NCKAP5: variants seen among roughly 807,000 people sequenced by gnomAD.
NCKAP5 encodes NCK associated protein 5.
A neutral mutation model predicts 167.0 loss-of-function variants in NCKAP5; 92 were observed. The ratio of observed to expected loss-of-function variants is 0.55; its 90% confidence interval spans 0.47 to 0.66. NCKAP5 has a LOEUF of 0.66. Among genes scored for constraint, NCKAP5 ranks in the 30% least tolerant of loss-of-function variants. The pLI, the probability that NCKAP5 is intolerant of heterozygous loss-of-function variation, is 0.00. For synonymous variants in NCKAP5, 891 were observed against 877.4 expected (o/e 1.02, Z -0.27); for missense variants, 2,378 against 2,315.0 (o/e 1.03, Z -0.56).
At chr2:133,481,031 T>C (rs1341674977) in intron 3 of NCKAP5, among the ~76,000 whole-genome samples, 1 of 152,246 alleles carries the variant, frequency 6.6e-6, no homozygotes, top group East Asian at 1.9e-4. Flanking sequence ...TTTATGACTC[T>C]ATTTCAAATA....
At chr2:132,963,367 G>GTCAT (rs956872187) in intron 8 of NCKAP5, among the ~76,000 whole-genome samples, 47 of 152,136 alleles carry the variant, frequency 3.1e-4, no homozygotes, top group African/African-American at 1.1e-3. Context: ...ATTTTGCTTA[G>GTCAT]TCATTCATTC....
intron 16 of NCKAP5, among the ~76,000 whole-genome samples, chr2:132,740,325 G>T (rs1033926181): frequency 2.0e-5 from 3 of 152,062 alleles, no homozygotes; most frequent in African/African-American, 7.2e-5. Context: ...CTTTGTAGAA[G>T]GTCTCTCCAG....
chr2:133,445,811 T>C (rs1195052072), intron 3 of NCKAP5, among the ~76,000 whole-genome samples: 1 of 152,032 alleles, frequency 6.6e-6, no homozygotes, highest in Non-Finnish European at 1.5e-5. Flanking sequence ...GGAATAGCAA[T>C]TGGAGCAGCT....
intron 8 of NCKAP5, among the ~76,000 whole-genome samples, chr2:132,912,878 C>G (rs1273682452): frequency 6.6e-6 from 1 of 152,166 alleles, no homozygotes; most frequent in East Asian, 1.9e-4. Context: ...CACATCCCTC[C>G]TCATCTGTGC....
chr2:133,395,371 A>G (rs185825045), intron 3 of NCKAP5, among the ~76,000 whole-genome samples: 7 of 152,318 alleles, frequency 4.6e-5, no homozygotes, highest in Admixed American at 2.0e-4. Context: ...CCTTGAAAAC[A>G]AAGTATCCAA....
At chr2:132,937,128 C>A (rs1244645911) in intron 8 of NCKAP5, among the ~76,000 whole-genome samples, 1 of 152,170 alleles carries the variant, frequency 6.6e-6, no homozygotes, top group Non-Finnish European at 1.5e-5. Flanking sequence ...TATTAGAGAG[C>A]TGCCCCCATA....
intron 8 of NCKAP5, among the ~76,000 whole-genome samples, chr2:132,890,467 A>G (rs902507931): frequency 5.9e-5 from 9 of 152,236 alleles, no homozygotes; most frequent in African/African-American, 1.9e-4. Context: ...CAGGCTTCCA[A>G]GCAAAATACA....
chr2:132,870,770 TTG>T (rs1351577712), intron 9 of NCKAP5, among the ~76,000 whole-genome samples: 1 of 45,618 alleles, frequency 2.2e-5, no homozygotes, highest in Admixed American at 2.9e-4. Flanking sequence ...TGGAGCTTAA[TTG>T]TTTTTTGACT....
chr2:132,713,834 A>G (rs539420770), intron 19 of NCKAP5, among the ~76,000 whole-genome samples: 18 of 152,316 alleles, frequency 1.2e-4, no homozygotes, highest in Non-Finnish European at 2.1e-4. Flanking sequence ...AAAGCTGGAA[A>G]CCAACCACTA....
At chr2:132,885,367 T>C (rs1245217639) in intron 8 of NCKAP5, among the ~76,000 whole-genome samples, 1 of 152,238 alleles carries the variant, frequency 6.6e-6, no homozygotes, top group Non-Finnish European at 1.5e-5. Flanking sequence ...CTTTTTCTAC[T>C]TTAAATAAGT....
chr2:132,770,611 T>C (rs1192356515), intron 16 of NCKAP5, among the ~76,000 whole-genome samples: 2 of 152,056 alleles, frequency 1.3e-5, no homozygotes, highest in Non-Finnish European at 2.9e-5. Flanking sequence ...GTCAATTATC[T>C]ATCAAAAACA....
chr2:133,235,072 C>T (rs1049736553), intron 4 of NCKAP5, among the ~76,000 whole-genome samples: 3 of 151,518 alleles, frequency 2.0e-5, no homozygotes, highest in Non-Finnish European at 4.4e-5. Flanking sequence ...AGCTACTTAA[C>T]ATCTGAGTCT....
intron 6 of NCKAP5, among the ~76,000 whole-genome samples, chr2:133,060,638 T>C (rs2079966814): frequency 6.6e-6 from 1 of 152,104 alleles, no homozygotes; most frequent in African/African-American, 2.4e-5. Flanking sequence ...AGTAGTAAAA[T>C]TGAATGGAGA....
chr2:132,960,951 G>A (rs1249059445), intron 8 of NCKAP5, among the ~76,000 whole-genome samples: 1 of 152,178 alleles, frequency 6.6e-6, no homozygotes, highest in African/African-American at 2.4e-5. Context: ...CTGATGGGGT[G>A]CTGGTGGTAT....
At chr2:133,544,392 T>C (rs1686484124) in intron 2 of NCKAP5, among the ~76,000 whole-genome samples, 1 of 152,114 alleles carries the variant, frequency 6.6e-6, no homozygotes, top group Non-Finnish European at 1.5e-5. Flanking sequence ...ACATGGAAAA[T>C]ACATGTACTT....
intron 3 of NCKAP5, 137 bp from the exon 4 acceptor site, chr2:133,303,247 C>T (rs1680530419): frequency 1.6e-6 from 1 of 626,272 alleles, no homozygotes; most frequent in African/African-American, 1.8e-5. Context: ...TTCTCTGCTT[C>T]TATGACTTGC....
At chr2:133,527,917 T>C in intron 2 of NCKAP5, among the ~76,000 whole-genome samples, 1 of 152,066 alleles carries the variant, frequency 6.6e-6, no homozygotes, top group Non-Finnish European at 1.5e-5. Flanking sequence ...AATAAAAAAC[T>C]AGCCAGATGT....
intron 8 of NCKAP5, among the ~76,000 whole-genome samples, chr2:132,932,186 T>C (rs1363458947): frequency 9.9e-5 from 15 of 152,256 alleles, no homozygotes; most frequent in Non-Finnish European, 4.4e-5. Context: ...ACAGCTTTAT[T>C]TTCTTTAGAC....
intron 19 of NCKAP5, among the ~76,000 whole-genome samples, chr2:132,697,177 G>GC (rs1399050600): frequency 0.034 from 3 of 88 alleles, no homozygotes; most frequent in Non-Finnish European, 0.083. Context: ...CATGGGCACT[G>GC]CGCCGGCCGA....
Sources: allele counts gnomAD v4.1 joint callset (sites outside exome capture counted in the v4.1 genomes callset), GRCh38; gene constraint gnomAD v4.1.1; transcripts MANE v1.5; gene names NCBI Gene and HGNC (gene_info 2026-07-23, HGNC 2026-07-21).